KCTD18: variants seen among roughly 807,000 people sequenced by gnomAD.
KCTD18 encodes the protein potassium channel tetramerization domain containing 18, also known as BTB/POZ domain-containing protein KCTD18.
In KCTD18, 22 loss-of-function variants were observed where a neutral mutation model predicts 30.4. The observed-to-expected ratio is 0.72, with a 90% CI of 0.52 to 1.03. The LOEUF (loss-of-function observed/expected upper bound fraction) is 1.03. Ranked by LOEUF, KCTD18 falls within the 50% of genes least tolerant of loss-of-function variation. KCTD18 has a pLI of 0.00. For missense variants in KCTD18, 529 were observed against 547.6 expected (o/e 0.97, Z 0.34); for synonymous variants, 186 against 209.0 (o/e 0.89, Z 0.95).
rs140145856 is a variant in KCTD18 at position 200,491,177 on chromosome 2, T to C, written c.765-561A>G. On this transcript the variant is annotated intron_variant, in intron 6 of 6. Coordinates refer to ENST00000359878, the MANE Select transcript of KCTD18 (RefSeq NM_152387.4). ...GGCTTTGTGCCCTCTCCCATGGTAA[T>C]GAGTGAGTTCTCACTCTATTCGTTC... 2.0e-5 allele frequency among the ~76,000 whole-genome samples: 3 copies of C among 152,282 alleles called. No homozygotes were observed. The East Asian group carries it at 5.8e-4, about 29-fold the overall frequency.
chr2:200,504,680 C>T, intron 3 of KCTD18, 68 bp downstream of exon 3: 1 of 1,128,436 alleles, frequency 8.9e-7, no homozygotes, highest in Non-Finnish European at 1.3e-6. Context: ...ACAGGCTATG[C>T]AAAATAGTAC....
intron 1 of KCTD18, among the ~76,000 whole-genome samples, chr2:200,507,934 G>C (rs187315265): frequency 2.0e-5 from 3 of 152,172 alleles, no homozygotes; most frequent in Admixed American, 6.5e-5. Flanking sequence ...TTGGCCTTCC[G>C]AAGTGCTGAG....
At position 200,505,019 on chromosome 2, in the gene KCTD18, C is replaced by A. The variant is rs535294927; in HGVS notation, c.161-60G>T. On this transcript the variant is annotated intron_variant, in intron 2 of 6. Transcript: ENST00000359878. ...ATTCTGTCGATCAATAAGATTTCAA[C>A]AAATCAAACTAGGTCTGAGGACCTC... The A allele has an allele frequency of 3.4e-5, 46 of 1,352,232 alleles. No homozygotes were observed. In the African/African-American group the frequency reaches 6.4e-4, roughly 19 times the overall value. 83.8% of individuals were successfully genotyped at this position (1,352,232 alleles called of 1,614,324 possible). A position where few individuals can be genotyped will look rare whatever the true frequency, so the allele number is the denominator to read the frequency against.
chr2:200,490,407 C>T lies in KCTD18; in HGVS notation c.974G>A (p.Arg325His), dbSNP rs754204639. 1.1e-5 allele frequency: 17 copies of T among 1,614,070 alleles called. No homozygotes were observed. The highest frequency in any genetic ancestry group is 3.3e-4 in the Middle Eastern group (2 of 6,062). Residue 325 changes from arginine to histidine, a missense_variant, in exon 7 of 7, where the codon CGC (arginine) becomes CAC (histidine). By Grantham distance (29) the Arg-to-His change is conservative. Transcript: ENST00000359878. The stretch of plus-strand genomic sequence containing the variant: ...GGCCGTGGCTCTGGAAGGTGCAGAG[C>T]GCTGAGCTGCCTTTCTGCGGCTACC... ...QSGSRRKAAQ[R>H]SAPSRATALV...
intron 3 of KCTD18, among the ~76,000 whole-genome samples, chr2:200,501,216 T>C (rs1468714965): frequency 1.3e-5 from 2 of 151,214 alleles, no homozygotes; most frequent in African/African-American, 2.4e-5. Flanking sequence ...ATTCAGGACA[T>C]AGGCATGGGC....
chr2:200,497,615 G>A (rs150480477), intron 5 of KCTD18, 138 bp downstream of exon 5: 14 of 664,566 alleles, frequency 2.1e-5, no homozygotes, highest in Admixed American at 7.4e-5. Context: ...AACTGCCTCA[G>A]TGTTATCATG....
chr2:200,495,753 T>TA lies in KCTD18; in HGVS notation c.661+1999dup, dbSNP rs1219772095. ...TAGTGGTTGCCTTTCTAATCAATTT[T>TA]AATAAACTTTCTTTCTATTAAGGAT... On this transcript the variant is annotated intron_variant, in intron 5 of 6. Coordinates refer to ENST00000359878, the MANE Select transcript of KCTD18 (RefSeq NM_152387.4). The TA allele has an allele frequency of 3.3e-5, 5 of 152,236 alleles. No individual in the cohort carries two copies. In the East Asian group the frequency reaches 7.7e-4, roughly 23 times the overall value. 9.4% of individuals were successfully genotyped at this position (152,236 alleles called of 1,614,324 possible).
intron 2 of KCTD18, among the ~76,000 whole-genome samples, chr2:200,505,238 T>C (rs2030126932): frequency 6.6e-6 from 1 of 152,226 alleles, no homozygotes; most frequent in Non-Finnish European, 1.5e-5. Flanking sequence ...AGTTCTATAA[T>C]ACTGCACATA....
At chr2:200,492,630 A>G (rs565199589) in intron 6 of KCTD18, among the ~76,000 whole-genome samples, 1 of 152,376 alleles carries the variant, frequency 6.6e-6, no homozygotes, top group East Asian at 1.9e-4. Context: ...GCCATGAATA[A>G]AACCCAGACA....
In KCTD18 at chr2:200,490,342, G is replaced by T; in HGVS notation, c.1039C>A (p.Pro347Thr). 6.2e-7 allele frequency: 1 copy of T among 1,614,226 alleles called. No homozygotes were observed. Among genetic ancestry groups the T allele is most frequent in the Non-Finnish European group, 8.5e-7 (1 of 1,180,034 alleles). ...TGAPGHPQASPGAASAENGGT... is the reference protein window; with the variant it reads ...TGAPGHPQASTGAASAENGGT... ...CCATTTTCAGCGCTCGCAGCCCCAG[G>T]GGAAGCCTGAGGATGCCCAGGTGCC... The change falls in exon 7 of 7, where the codon CCT (proline) becomes ACT (threonine). Residue 347 changes from proline (P) to threonine (T), a missense_variant. By Grantham distance (38) the Pro-to-Thr change is conservative. Transcript: ENST00000359878.
In KCTD18 at chr2:200,490,119, C is replaced by A; in HGVS notation, c.1262G>T (p.Gly421Val). 6.3e-7 allele frequency: 1 copy of A among 1,581,890 alleles called. No individual in the cohort carries two copies. Among genetic ancestry groups the A allele is most frequent in the Non-Finnish European group, 8.6e-7 (1 of 1,158,684 alleles). The change falls in exon 7 of 7, where the codon GGG becomes GTG. Residue 421 changes from glycine (G) to valine (V), a missense_variant. Physicochemically the swap from Gly to Val is moderately radical, Grantham distance 109. Coordinates refer to ENST00000359878, the MANE Select transcript of KCTD18 (RefSeq NM_152387.4). ...ARALGVRTEN[G>V]KNKGN ...CTTTCATCAATTTCCCTTGTTCTTC[C>A]CGTTCTCAGTCCGCACTCCCAAGGC...
Position 200,492,225 on chromosome 2 carries a change from C to G in KCTD18, c.764+947G>C, listed in dbSNP as rs564826951. On this transcript the variant is annotated intron_variant, in intron 6 of 6. Transcript: ENST00000359878. ...TAATTCTTTGTTCTGGGGGGCTGCC[C>G]TGTGCACTGTAGGATGTTTAGCAGC... is the stretch of plus-strand genomic sequence containing the variant. Among the ~76,000 whole-genome samples the G allele has an allele frequency of 1.2e-4, 18 of 152,254 alleles. No homozygotes were observed. The East Asian group carries it at 3.5e-3, about 29-fold the overall frequency.
chr2:200,491,014 C>A (rs2087907519), intron 6 of KCTD18, among the ~76,000 whole-genome samples: 1 of 152,094 alleles, frequency 6.6e-6, no homozygotes, highest in Admixed American at 6.5e-5. Context: ...ATTTCACAAT[C>A]AAATAAATAT....
intron 5 of KCTD18, 146 bp from the exon 6 acceptor site, chr2:200,493,420 T>G (rs1466801237): frequency 3.3e-6 from 2 of 611,708 alleles, no homozygotes; most frequent in Non-Finnish European, 5.9e-6. Flanking sequence ...CAGGAAGCGC[T>G]CACACGAGGA....
chr2:200,498,753 C>G (rs1317661024), intron 4 of KCTD18, 138 bp downstream of exon 4: 1 of 708,932 alleles, frequency 1.4e-6, no homozygotes, highest in Non-Finnish European at 2.4e-6. Context: ...AGGCCTATCT[C>G]AACTGCTATG....
rs746964437 is a variant in KCTD18, at chr2:200,489,866, C to A, written c.*234G>T. 1.3e-5 allele frequency: 6 copies of A among 475,470 alleles called. No individual in the cohort carries two copies. Among genetic ancestry groups the A allele is most frequent in the Non-Finnish European group, 2.2e-5 (6 of 272,462 alleles). The allele number at this position is 475,470 out of a possible 1,614,324, so 29.5% of individuals were successfully genotyped here. On this transcript the variant is annotated 3_prime_UTR_variant, in exon 7 of 7. Transcript: ENST00000359878. ...AATCATTAAAAAATAAATTGAAAAC[C>A]AGAAATTCAAACTGCCCATAGACAA...
Position 200,509,851 on chromosome 2 carries a change from C to T in KCTD18, c.-299G>A. On this transcript the variant is annotated 5_prime_UTR_variant, in exon 1 of 7. Transcript: ENST00000359878. ...CTTCCGCGGCCTGGAGACCCCAAAT[C>T]GGCCCGAAGCCCGAGCCTGCAGCCC... 1 of 152,152 alleles carries T rather than the reference C, an allele frequency of 6.6e-6. No individual in the cohort carries two copies. The highest frequency in any genetic ancestry group is 1.9e-4 in the East Asian group (1 of 5,162). 9.4% of individuals were successfully genotyped at this position (152,152 alleles called of 1,614,324 possible). A position where few individuals can be genotyped will look rare whatever the true frequency, so the allele number is the denominator to read the frequency against.
At chr2:200,503,078 G>C (rs955496044) in intron 3 of KCTD18, among the ~76,000 whole-genome samples, 3 of 151,270 alleles carry the variant, frequency 2.0e-5, no homozygotes, top group Non-Finnish European at 4.4e-5. Flanking sequence ...GAGACCACAA[G>C]GTGCTCCAGG....
At chr2:200,499,375 GT>G (rs1258402153) in intron 3 of KCTD18, among the ~76,000 whole-genome samples, 1 of 151,944 alleles carries the variant, frequency 6.6e-6, no homozygotes, top group Non-Finnish European at 1.5e-5. Context: ...TACTCTTTTA[GT>G]CTGCCAACAT....
Sources: gnomAD v4.1 joint callset for allele counts (sites outside exome capture counted in the v4.1 genomes callset) on GRCh38, gnomAD v4.1.1 for gene constraint, MANE v1.5 for transcripts, NCBI Gene and HGNC (gene_info 2026-07-23, HGNC 2026-07-21) for gene names.